The following TENM3 variants were observed in gnomAD, a reference collection of about 807,000 sequenced individuals.
The protein encoded by TENM3 is teneurin transmembrane protein 3, also known as teneurin-3.
A neutral mutation model predicts 255.1 loss-of-function variants in TENM3; 63 were observed. That is an observed-to-expected ratio of 0.25 (90% CI 0.20 to 0.30). TENM3 has a LOEUF of 0.30. Ranked by LOEUF, TENM3 falls within the 10% of genes least tolerant of loss-of-function variation. The pLI, the probability that TENM3 is intolerant of heterozygous loss-of-function variation, is 1.00. For missense variants in TENM3, 2,929 were observed against 3,461.1 expected (o/e 0.85, Z 3.86); for synonymous variants, 1,306 against 1,322.3 (o/e 0.99, Z 0.27).
At chr4:182,782,877 C>T (rs1765289428) in intron 24 of TENM3, among the ~76,000 whole-genome samples, 1 of 150,140 alleles carries the variant, frequency 6.7e-6, no homozygotes. Context: ...AGGATTGCAA[C>T]CCCGGCCTTT....
chr4:181,796,114 AG>A, the TENM3 span, among the ~76,000 whole-genome samples: 1 of 152,250 alleles, frequency 6.6e-6, no homozygotes, highest in Non-Finnish European at 1.5e-5. Context: ...AATGGGCTGC[AG>A]CTGCCAGCAA....
chr4:182,334,557 TATG>T (rs1763983502), intron 2 of TENM3, among the ~76,000 whole-genome samples: 2 of 152,116 alleles, frequency 1.3e-5, no homozygotes, highest in Admixed American at 1.3e-4. Context: ...TTTTCAAAAG[TATG>T]ATGAAGCTGC....
chr4:181,977,641 C>A, the TENM3 span, among the ~76,000 whole-genome samples: 380 of 152,268 alleles, frequency 2.5e-3, 2 homozygotes, highest in Middle Eastern at 6.8e-3. Flanking sequence ...GAGGCCTAGA[C>A]CCCTGGGTCT....
chr4:181,669,578 C>T, the TENM3 span, among the ~76,000 whole-genome samples: 3 of 152,232 alleles, frequency 2.0e-5, no homozygotes, highest in East Asian at 3.9e-4. Context: ...CTTCCCTCCT[C>T]GGTAATTTCC....
chr4:181,588,911 C>T, the TENM3 span, among the ~76,000 whole-genome samples: 4 of 152,258 alleles, frequency 2.6e-5, no homozygotes, highest in East Asian at 7.7e-4. Flanking sequence ...ATAATTGAAT[C>T]ATGTGTCTCA....
At chr4:182,047,453 T>G in the TENM3 span, among the ~76,000 whole-genome samples, 1 of 148,052 alleles carries the variant, frequency 6.8e-6, no homozygotes, top group South Asian at 2.1e-4. Flanking sequence ...TCTCAGCTAC[T>G]CAGGAGGCTG....
chr4:182,032,090 T>C, the TENM3 span, among the ~76,000 whole-genome samples: 1 of 152,208 alleles, frequency 6.6e-6, no homozygotes, highest in African/African-American at 2.4e-5. Flanking sequence ...AATACTATGT[T>C]GAATAGGAGT....
chr4:181,990,210 T>A, the TENM3 span, among the ~76,000 whole-genome samples: 9 of 152,106 alleles, frequency 5.9e-5, no homozygotes, highest in Non-Finnish European at 8.8e-5. Flanking sequence ...CCTAATCACA[T>A]GTTATAATTA....
the TENM3 span, among the ~76,000 whole-genome samples, chr4:181,594,140 A>C: frequency 6.6e-6 from 1 of 152,286 alleles, no homozygotes; most frequent in African/African-American, 2.4e-5. Flanking sequence ...GACTGAGAAA[A>C]CATGTAACGA....
chr4:182,223,805 A>G (rs1005710785), intron 1 of TENM3, among the ~76,000 whole-genome samples: 2 of 131,568 alleles, frequency 1.5e-5, no homozygotes, highest in Admixed American at 7.7e-5. Context: ...AAAAAAAGGA[A>G]TGGAATTGAC....
chr4:181,614,840 G>C, the TENM3 span, among the ~76,000 whole-genome samples: 4 of 152,186 alleles, frequency 2.6e-5, no homozygotes, highest in African/African-American at 9.7e-5. Flanking sequence ...TTTCCTCCAG[G>C]CTCATTTAAG....
intron 2 of TENM3, among the ~76,000 whole-genome samples, chr4:182,333,774 A>T (rs1450942786): frequency 6.6e-6 from 1 of 152,242 alleles, no homozygotes; most frequent in African/African-American, 2.4e-5. Context: ...AGTTAAAATC[A>T]GTACTTTTGT....
chr4:181,557,031 C>T, the TENM3 span, among the ~76,000 whole-genome samples: 5 of 152,078 alleles, frequency 3.3e-5, no homozygotes, highest in Admixed American at 3.3e-4. Flanking sequence ...GAAATTTTGA[C>T]ACTAATGTTA....
At chr4:181,841,344 C>T in the TENM3 span, among the ~76,000 whole-genome samples, 1 of 152,010 alleles carries the variant, frequency 6.6e-6, no homozygotes, top group Non-Finnish European at 1.5e-5. Flanking sequence ...CCAAAGTGTA[C>T]TAAGGATCAA....
the TENM3 span, among the ~76,000 whole-genome samples, chr4:181,450,606 G>A: frequency 6.5e-4 from 99 of 152,224 alleles, no homozygotes; most frequent in African/African-American, 2.1e-3. Context: ...TTCAGAATGC[G>A]ACCTGACTTG....
chr4:182,422,463 T>A (rs1770909715), intron 3 of TENM3, among the ~76,000 whole-genome samples: 1 of 152,224 alleles, frequency 6.6e-6, no homozygotes, highest in African/African-American at 2.4e-5. Flanking sequence ...TTAATTATGA[T>A]AAGGATTTCT....
intron 3 of TENM3, among the ~76,000 whole-genome samples, chr4:182,354,442 A>G (rs1765388252): frequency 6.6e-6 from 1 of 152,230 alleles, no homozygotes; most frequent in Non-Finnish European, 1.5e-5. Flanking sequence ...TTATCACTGA[A>G]ATAGAAAAAA....
chr4:181,889,096 T>C, the TENM3 span, among the ~76,000 whole-genome samples: 17 of 152,236 alleles, frequency 1.1e-4, no homozygotes, highest in African/African-American at 4.1e-4. Flanking sequence ...TACACTTACA[T>C]GGTGACATGG....
chr4:182,188,002 A>G (rs1290767351), intron 1 of TENM3, among the ~76,000 whole-genome samples: 1 of 152,212 alleles, frequency 6.6e-6, no homozygotes, highest in African/African-American at 2.4e-5. Context: ...TAGGTTTCCA[A>G]GACCTTTCTG....
Sources: gnomAD v4.1 joint callset for allele counts (sites outside exome capture counted in the v4.1 genomes callset) on GRCh38, gnomAD v4.1.1 for gene constraint, MANE v1.5 for transcripts, NCBI Gene and HGNC (gene_info 2026-07-23, HGNC 2026-07-21) for gene names.